SVIL: variants seen among roughly 807,000 people sequenced by gnomAD.
The protein encoded by SVIL is supervillin.
In SVIL, 101 loss-of-function variants were observed where a neutral mutation model predicts 240.4. The ratio of observed to expected loss-of-function variants is 0.42; its 90% CI spans 0.36 to 0.50. The LOEUF (loss-of-function observed/expected upper bound fraction) is 0.50, where lower values mean the gene tolerates loss of function less well. Among genes scored for constraint, SVIL ranks in the 20% least tolerant of loss-of-function variants. The pLI is 0.01. For missense variants in SVIL, 2,512 were observed against 2,818.7 expected, an observed-to-expected ratio of 0.89 and a Z score of 2.46; for synonymous variants, 999 against 1,100.0, an observed-to-expected ratio of 0.91 and a Z score of 1.82.
At chr10:29,515,743 G>T (rs894725993) in intron 16 of SVIL, among the ~76,000 whole-genome samples, 1 of 152,146 alleles carries the variant, frequency 6.6e-6, no homozygotes, top group East Asian at 1.9e-4. Flanking sequence ...ATGAGCTCTG[G>T]TCTTTGAAGA....
In SVIL at chr10:29,532,785, C is replaced by A. The variant is rs115256548; in HGVS notation, c.1582G>T (p.Ala528Ser). 1.0e-3 allele frequency: 1,630 copies of A among 1,614,100 alleles called. 17 individuals carry two copies. The African/African-American group carries it at 0.02, about 20-fold the overall frequency. ...YIQSEPVSQD[A>S]KPTGHNREAS... ...TCCCTGTTGTGACCAGTTGGTTTGG[C>A]GTCTTGGGACACAGGCTCACTTTGA... Residue 528 changes from alanine (A) to serine (S), a missense_variant, in exon 8 of 38, where the codon GCC becomes TCC. By Grantham distance (99) the Ala-to-Ser change is moderately conservative (BLOSUM62 1). Around this residue, in one of 3 missense-constraint regions of SVIL, gnomAD observed 1,443 missense variants for 1,486.6 expected, o/e 0.97. Coordinates refer to ENST00000355867, the MANE Select transcript of SVIL (RefSeq NM_021738.3).
rs1947165252 is a variant in SVIL at position 29,484,158 on chromosome 10, C to T, written c.4955+498G>A. Among the ~76,000 whole-genome samples, 2 of 152,198 alleles carry T rather than the reference C, an allele frequency of 1.3e-5. No homozygotes were observed. Among genetic ancestry groups the T allele is most frequent in the Non-Finnish European group, 2.9e-5 (2 of 68,036 alleles). On this transcript the variant is annotated intron_variant, in intron 27 of 37. Transcript: ENST00000355867. The surrounding 1 kb of genome is among the most constrained non-coding windows in gnomAD (Gnocchi z 4.7). The stretch of plus-strand genomic sequence containing the variant: ...GCAATCATTATTTTAACACCATCTC[C>T]TCCCCCTCTTCCCTTCCCAAAAGAT...
At chr10:29,463,803 A>G (rs1944557983) in intron 34 of SVIL, among the ~76,000 whole-genome samples, 168 bp from the exon 35 acceptor site, 1 of 152,204 alleles carries the variant, frequency 6.6e-6, no homozygotes, top group Non-Finnish European at 1.5e-5. Flanking sequence ...GAAACCCAGG[A>G]TACCCCAGCC....
chr10:29,577,230 T>A (rs1029648152), intron 1 of SVIL, among the ~76,000 whole-genome samples: 18 of 152,190 alleles, frequency 1.2e-4, no homozygotes, highest in African/African-American at 4.1e-4. Context: ...TGGTTTTGGA[T>A]TAAACAGATA....
intron 1 of SVIL, among the ~76,000 whole-genome samples, chr10:29,594,920 G>C (rs975266982): frequency 6.6e-6 from 1 of 152,322 alleles, no homozygotes; most frequent in East Asian, 1.9e-4. Flanking sequence ...CCTCTGGGTT[G>C]TATAGTTCCC....
chr10:29,584,401 G>A (rs1956075277), intron 1 of SVIL, among the ~76,000 whole-genome samples: 1 of 152,202 alleles, frequency 6.6e-6, no homozygotes, highest in Non-Finnish European at 1.5e-5. Flanking sequence ...GAACATCTGA[G>A]CAGCTTCCCT....
chr10:29,736,411 T>C (rs1433632685), upstream of SVIL, among the ~76,000 whole-genome samples: 3 of 152,172 alleles, frequency 2.0e-5, no homozygotes, highest in Non-Finnish European at 4.4e-5. Context: ...TAGCCCCCGC[T>C]GCAGCCCCGG....
At chr10:29,611,323 T>C (rs1185331589) in intron 1 of SVIL, among the ~76,000 whole-genome samples, 1 of 152,062 alleles carries the variant, frequency 6.6e-6, no homozygotes, top group Admixed American at 6.6e-5. Context: ...TTTTAGAGGC[T>C]TGATCTGTTT....
chr10:29,661,671 C>G (rs371487498), intron 2 of SVIL, among the ~76,000 whole-genome samples: 1 of 152,194 alleles, frequency 6.6e-6, no homozygotes, highest in Non-Finnish European at 1.5e-5. Flanking sequence ...CCAATTGCAT[C>G]TGGAAGAGAG....
intron 6 of SVIL, among the ~76,000 whole-genome samples, chr10:29,540,831 C>T (rs1952095864): frequency 6.6e-6 from 1 of 152,228 alleles, no homozygotes; most frequent in Admixed American, 6.5e-5. Context: ...TACCTTCTTC[C>T]TTTGTTTCTC....
At chr10:29,681,649 CT>C (rs1433532341) in intron 2 of SVIL, among the ~76,000 whole-genome samples, 1 of 152,106 alleles carries the variant, frequency 6.6e-6, no homozygotes, top group Non-Finnish European at 1.5e-5. Context: ...TATCTCTTTC[CT>C]AATGATCACG....
intron 15 of SVIL, among the ~76,000 whole-genome samples, chr10:29,523,174 A>G (rs1470772538): frequency 6.6e-6 from 1 of 152,186 alleles, no homozygotes; most frequent in East Asian, 1.9e-4. Context: ...AGGGGCCACC[A>G]GAACTAAGCA....
chr10:29,659,225 C>T (rs1310646636), intron 2 of SVIL, among the ~76,000 whole-genome samples: 1 of 152,206 alleles, frequency 6.6e-6, no homozygotes, highest in African/African-American at 2.4e-5. Context: ...GTCCCCAACA[C>T]AGAAGGCTCC....
At chr10:29,523,359 A>T in intron 15 of SVIL, 92 bp downstream of exon 15, 1 of 1,218,774 alleles carries the variant, frequency 8.2e-7, no homozygotes, top group Non-Finnish European at 1.1e-6. Flanking sequence ...TGCCTATAGA[A>T]CTTTGTTAAA....
intron 6 of SVIL, 27 bp downstream of exon 6, chr10:29,550,570 G>T: frequency 6.4e-7 from 1 of 1,567,626 alleles, no homozygotes. Context: ...CTGCGTTCAG[G>T]GTGCTTAGCG....
intron 17 of SVIL, among the ~76,000 whole-genome samples, chr10:29,506,680 T>A (rs149490394): frequency 1.6e-3 from 81 of 50,896 alleles, no homozygotes; most frequent in African/African-American, 4.1e-3. Flanking sequence ...AGAGGCCCTA[T>A]GAGGGAGGGG....
intron 2 of SVIL, among the ~76,000 whole-genome samples, chr10:29,661,732 T>C (rs1959166090): frequency 6.6e-6 from 1 of 152,242 alleles, no homozygotes. Flanking sequence ...GCCTGTGCTT[T>C]GACAGATGGT....
chr10:29,567,033 C>A (rs763055509), intron 2 of SVIL, among the ~76,000 whole-genome samples: 26 of 152,224 alleles, frequency 1.7e-4, no homozygotes, highest in African/African-American at 2.4e-4. Context: ...AACTTTCTAA[C>A]AGTGAGAAAC....
intron 27 of SVIL, among the ~76,000 whole-genome samples, chr10:29,482,595 A>G (rs543482997): frequency 3.4e-5 from 5 of 146,538 alleles, no homozygotes; most frequent in African/African-American, 1.3e-4. Context: ...TAGATCTTGA[A>G]GTGCCTTTTT....
Sources: allele counts gnomAD v4.1 joint callset (sites outside exome capture counted in the v4.1 genomes callset), GRCh38; gene constraint gnomAD v4.1.1; regional missense constraint gnomAD v4.1.1; non-coding constraint Gnocchi (gnomAD v3.1); transcripts MANE v1.5; gene names NCBI Gene and HGNC (gene_info 2026-07-23, HGNC 2026-07-21).